PPARG: variants seen among roughly 807,000 people sequenced by gnomAD.
The protein encoded by PPARG is peroxisome proliferator activated receptor gamma.
PPARG carries 17 observed loss-of-function variants against 39.2 expected under a neutral mutation model. That is an observed-to-expected ratio of 0.43 (90% CI 0.30 to 0.65). PPARG has a LOEUF of 0.65. Among genes scored for constraint, PPARG ranks in the 30% least tolerant of loss-of-function variants. The probability of loss-of-function intolerance (pLI) is 0.13; values close to 1 mark genes in which losing one functional copy is unlikely to be tolerated. For synonymous variants in PPARG, 223 were observed against 215.7 expected (o/e 1.03, Z -0.30); for missense variants, 406 against 585.9 (o/e 0.69, Z 3.17).
intron 2 of PPARG, among the ~76,000 whole-genome samples, chr3:12,366,851 G>C (rs1361471733): frequency 2.0e-5 from 3 of 151,982 alleles, no homozygotes; most frequent in African/African-American, 7.3e-5. Flanking sequence ...TGGTCTATAG[G>C]GTTTATTTTC....
intron 2 of PPARG, among the ~76,000 whole-genome samples, chr3:12,329,498 T>C (rs538741505): frequency 6.6e-6 from 1 of 152,372 alleles, no homozygotes; most frequent in African/African-American, 2.4e-5. Context: ...TAATTCTTGA[T>C]TGTAGAACAA....
intron 4 of PPARG, among the ~76,000 whole-genome samples, chr3:12,385,398 T>C (rs988467761): frequency 6.6e-6 from 1 of 152,172 alleles, no homozygotes; most frequent in Non-Finnish European, 1.5e-5. Context: ...AATGAGTAGA[T>C]TGGGTTTGAA....
intron 2 of PPARG, among the ~76,000 whole-genome samples, chr3:12,369,724 G>T (rs1361976382): frequency 2.0e-5 from 3 of 152,168 alleles, no homozygotes; most frequent in African/African-American, 7.2e-5. Flanking sequence ...TTAAGGTTGA[G>T]CCAAGCAGTG....
chr3:12,362,949 T>A (rs148402580), intron 2 of PPARG, among the ~76,000 whole-genome samples: 1,676 of 152,300 alleles, frequency 0.011, 34 homozygotes, highest in African/African-American at 0.038. Context: ...TGGTGGTTGT[T>A]TTTGAGACAG....
chr3:12,347,459 G>T (rs1334912619), intron 2 of PPARG, among the ~76,000 whole-genome samples: 1 of 152,232 alleles, frequency 6.6e-6, no homozygotes, highest in East Asian at 1.9e-4. Context: ...AGGATTATTT[G>T]TTCTTCTCAA....
chr3:12,328,135 A>T, intron 2 of PPARG: 1 of 1,285,644 alleles, frequency 7.8e-7, no homozygotes. Flanking sequence ...CAAGGAAGCA[A>T]TTCACAATCA....
chr3:12,422,315 A>C (rs901613497), intron 7 of PPARG, among the ~76,000 whole-genome samples: 3 of 152,218 alleles, frequency 2.0e-5, no homozygotes, highest in Non-Finnish European at 4.4e-5. Context: ...ATGGCTGCAT[A>C]CATGGTCTTT....
chr3:12,381,190 T>C, intron 3 of PPARG, 132 bp from the exon 4 acceptor site: 1 of 932,650 alleles, frequency 1.1e-6, no homozygotes, highest in East Asian at 2.7e-5. Flanking sequence ...CAGTGTTTTT[T>C]CATGTTCCAC....
At position 12,389,836 on chromosome 3, in the gene PPARG, G is replaced by A. The variant is rs575935117; in HGVS notation, c.391-2778G>A. On this transcript the variant is annotated intron_variant, in intron 4 of 7. Coordinates refer to ENST00000651735, the MANE Select transcript of PPARG (RefSeq NM_138711.6). ...CGCTTGAACCTGAGAGGTGAAGGTT[G>A]CAGTGAGCCGAGATAGCACCACTGC... is the stretch of plus-strand genomic sequence containing the variant. 7.9e-5 allele frequency among the ~76,000 whole-genome samples: 12 copies of A among 152,296 alleles called. No individual in the cohort carries two copies. The South Asian group carries it at 2.5e-3, about 32-fold the overall frequency.
intron 4 of PPARG, among the ~76,000 whole-genome samples, chr3:12,391,022 G>A (rs982471262): frequency 7.2e-5 from 11 of 152,154 alleles, no homozygotes; most frequent in Admixed American, 2.6e-4. Flanking sequence ...CAAACCTATC[G>A]CCTTTGTAAC....
chr3:12,432,559 T>C (rs895249788), intron 7 of PPARG, among the ~76,000 whole-genome samples: 4 of 152,248 alleles, frequency 2.6e-5, no homozygotes, highest in African/African-American at 9.6e-5. Context: ...TAGAAGCATT[T>C]CCTTCAAAGT....
chr3:12,405,616 C>T (rs1284510260), intron 5 of PPARG, among the ~76,000 whole-genome samples: 1 of 152,206 alleles, frequency 6.6e-6, no homozygotes, highest in Non-Finnish European at 1.5e-5. Flanking sequence ...ACTTCCCTCC[C>T]TTTGCTAAAC....
At chr3:12,353,833 C>T (rs2048570137) in intron 2 of PPARG, among the ~76,000 whole-genome samples, 1 of 152,128 alleles carries the variant, frequency 6.6e-6, no homozygotes, top group African/African-American at 2.4e-5. Flanking sequence ...AAACCATTTC[C>T]ACTAGTAAAA....
chr3:12,309,007 T>C (rs969025105), intron 1 of PPARG, among the ~76,000 whole-genome samples: 7 of 152,226 alleles, frequency 4.6e-5, no homozygotes, highest in African/African-American at 1.7e-4. Context: ...GATGGTTTTG[T>C]TTTTTAAATT....
At chr3:12,383,787 T>G (rs1299510412) in intron 4 of PPARG, among the ~76,000 whole-genome samples, 1 of 152,030 alleles carries the variant, frequency 6.6e-6, no homozygotes, top group East Asian at 1.9e-4. Flanking sequence ...TTGGTTATAG[T>G]GATAAATCTG....
At chr3:12,313,908 G>T (rs764716487) in intron 2 of PPARG, among the ~76,000 whole-genome samples, 1 of 152,150 alleles carries the variant, frequency 6.6e-6, no homozygotes, top group South Asian at 2.1e-4. Context: ...AATGTAAAAG[G>T]AATGAGGGAA....
chr3:12,377,148 AC>A (rs1402501655), intron 2 of PPARG, among the ~76,000 whole-genome samples: 1 of 152,214 alleles, frequency 6.6e-6, no homozygotes, highest in Non-Finnish European at 1.5e-5. Flanking sequence ...TGTTGCACTT[AC>A]TGTGACAATA....
chr3:12,366,410 C>T (rs2049018854), intron 2 of PPARG, among the ~76,000 whole-genome samples: 1 of 151,542 alleles, frequency 6.6e-6, no homozygotes, highest in Non-Finnish European at 1.5e-5. Context: ...TTATTTTTAC[C>T]TTCCCAATCT....
At chr3:12,355,475 C>A (rs1359096874) in intron 2 of PPARG, among the ~76,000 whole-genome samples, 22 of 152,130 alleles carry the variant, frequency 1.4e-4, no homozygotes, top group Non-Finnish European at 2.4e-4. Flanking sequence ...GAATTCAAGA[C>A]CTTTTTCTTG....
Sources: gnomAD v4.1 joint callset for allele counts (sites outside exome capture counted in the v4.1 genomes callset) on GRCh38, gnomAD v4.1.1 for gene constraint, MANE v1.5 for transcripts, NCBI Gene and HGNC (gene_info 2026-07-23, HGNC 2026-07-21) for gene names.